PEBP4: variants seen among roughly 807,000 people sequenced by gnomAD.
The protein encoded by PEBP4 is phosphatidylethanolamine binding protein 4.
PEBP4 carries 22 observed loss-of-function variants against 23.9 expected under a neutral mutation model. The observed-to-expected ratio is 0.92, with a 90% confidence interval of 0.66 to 1.31. The LOEUF is 1.31. PEBP4 is among the 40% of genes most tolerant of loss of function. PEBP4 has a pLI of 0.00. For missense variants in PEBP4, 324 were observed against 281.7 expected (o/e 1.15, Z -1.07); for synonymous variants, 112 against 99.3 (o/e 1.13, Z -0.76).
chr8:22,776,087 C>T (rs1278359680), intron 4 of PEBP4, among the ~76,000 whole-genome samples: 1 of 152,100 alleles, frequency 6.6e-6, no homozygotes, highest in East Asian at 1.9e-4. Context: ...CCACTGGGAC[C>T]CTCCCCTTCT....
chr8:22,861,488 A>AT (rs1807777686), intron 3 of PEBP4, among the ~76,000 whole-genome samples: 2 of 152,356 alleles, frequency 1.3e-5, no homozygotes, highest in Admixed American at 1.3e-4. Flanking sequence ...TACAGAGGAA[A>AT]TTAAGTCATA....
At chr8:22,746,811 A>G (rs1056031471) in intron 4 of PEBP4, among the ~76,000 whole-genome samples, 4 of 152,168 alleles carry the variant, frequency 2.6e-5, no homozygotes, top group Non-Finnish European at 5.9e-5. Context: ...TGTACTATAG[A>G]GTAGCTGCCA....
At chr8:22,899,644 T>C (rs1321512027) in intron 3 of PEBP4, among the ~76,000 whole-genome samples, 2 of 152,214 alleles carry the variant, frequency 1.3e-5, no homozygotes, top group East Asian at 1.9e-4. Flanking sequence ...AAAGTGGCTA[T>C]GACTCCTGGC....
chr8:22,908,385 CAA>C (rs1388030515), intron 3 of PEBP4, among the ~76,000 whole-genome samples: 1 of 142,292 alleles, frequency 7.0e-6, no homozygotes, highest in Non-Finnish European at 1.6e-5. Flanking sequence ...AACAAACAAA[CAA>C]ACAAACAAAA....
intron 3 of PEBP4, among the ~76,000 whole-genome samples, chr8:22,882,186 T>C (rs1408530607): frequency 1.3e-5 from 2 of 152,170 alleles, no homozygotes; most frequent in African/African-American, 4.8e-5. Flanking sequence ...ATCCATCCTA[T>C]CACTTTTCAG....
intron 3 of PEBP4, among the ~76,000 whole-genome samples, chr8:22,864,222 C>A (rs1016909766): frequency 6.6e-6 from 1 of 152,216 alleles, no homozygotes; most frequent in Non-Finnish European, 1.5e-5. Flanking sequence ...ACCTAGGACA[C>A]CTTACTTGAT....
intron 4 of PEBP4, among the ~76,000 whole-genome samples, chr8:22,750,526 T>C (rs1232682596): frequency 6.6e-6 from 1 of 152,222 alleles, no homozygotes; most frequent in East Asian, 1.9e-4. Context: ...AGGTGGATGG[T>C]TCTGGGCACA....
intron 6 of PEBP4, among the ~76,000 whole-genome samples, chr8:22,718,557 AGT>A (rs1314554899): frequency 6.6e-6 from 1 of 152,084 alleles, no homozygotes; most frequent in Non-Finnish European, 1.5e-5. Context: ...TGCCTGTCTG[AGT>A]GTTGCCCGGG....
upstream of PEBP4, among the ~76,000 whole-genome samples, chr8:22,932,215 T>G (rs1809467185): frequency 6.6e-6 from 1 of 152,132 alleles, no homozygotes; most frequent in South Asian, 2.1e-4. Context: ...GAAAGTAGAC[T>G]AGTGGTTGCT....
At chr8:22,803,271 G>T (rs907739957) in intron 4 of PEBP4, among the ~76,000 whole-genome samples, 1 of 152,156 alleles carries the variant, frequency 6.6e-6, no homozygotes, top group Non-Finnish European at 1.5e-5. Flanking sequence ...AGACACAGCA[G>T]CCCTTTGGCT....
At position 22,838,217 on chromosome 8, in the gene PEBP4, T is replaced by A. The variant is rs78796425; in HGVS notation, c.259-20482A>T. 4.6e-5 allele frequency among the ~76,000 whole-genome samples: 7 copies of A among 152,328 alleles called. No homozygotes were observed. The East Asian group carries it at 1.4e-3, about 29-fold the overall frequency. On this transcript the variant is annotated intron_variant, in intron 3 of 6. Transcript: ENST00000256404. ...GCCTGGACTTCAATTATTATATTCC[T>A]GACAGAAGAACTATTATTTCTTTGT...
At chr8:22,803,319 G>C (rs1177511007) in intron 4 of PEBP4, among the ~76,000 whole-genome samples, 1 of 152,128 alleles carries the variant, frequency 6.6e-6, no homozygotes, top group Non-Finnish European at 1.5e-5. Context: ...CAGGCCACCT[G>C]TCTTGGCCTC....
chr8:22,871,418 A>G (rs2128770543), intron 3 of PEBP4, among the ~76,000 whole-genome samples: 1 of 152,234 alleles, frequency 6.6e-6, no homozygotes, highest in Middle Eastern at 3.4e-3. Flanking sequence ...TCCTGTACTA[A>G]GAGATTTACA....
intron 6 of PEBP4, among the ~76,000 whole-genome samples, chr8:22,724,137 A>G (rs1343627936): frequency 6.6e-6 from 1 of 152,164 alleles, no homozygotes; most frequent in Non-Finnish European, 1.5e-5. Flanking sequence ...GAGAAATCTA[A>G]GGCTCAGATG....
chr8:22,735,759 G>A (rs1043103580), intron 4 of PEBP4, among the ~76,000 whole-genome samples: 1 of 152,236 alleles, frequency 6.6e-6, no homozygotes, highest in Non-Finnish European at 1.5e-5. Flanking sequence ...CACGTGGCAG[G>A]TCAGAGCAGG....
intron 3 of PEBP4, among the ~76,000 whole-genome samples, chr8:22,881,436 C>T (rs1808257108): frequency 6.6e-6 from 1 of 152,208 alleles, no homozygotes; most frequent in Admixed American, 6.5e-5. Context: ...TATCTGTTCA[C>T]TTTTCTTATG....
In PEBP4 at chr8:22,724,798, C is replaced by G. The variant is rs753041303; in HGVS notation, c.517+45G>C. On this transcript the variant is annotated intron_variant, in intron 6 of 6. Coordinates refer to ENST00000256404, the MANE Select transcript of PEBP4 (RefSeq NM_144962.3). ...AAATGCCTGAAGCGTTTGTTCCACC[C>G]CAGAATTCACCCCGGTGGTGGCTGG... 4 of 1,484,354 alleles carry G rather than the reference C, an allele frequency of 2.7e-6. No homozygotes were observed. In the East Asian group the frequency reaches 9.0e-5, roughly 34 times the overall value. 91.9% of individuals were successfully genotyped at this position (1,484,354 alleles called of 1,614,324 possible). A position where few individuals can be genotyped will look rare whatever the true frequency, so the allele number is the denominator to read the frequency against.
At chr8:22,843,274 T>C (rs1056601635) in intron 3 of PEBP4, among the ~76,000 whole-genome samples, 6 of 152,212 alleles carry the variant, frequency 3.9e-5, no homozygotes, top group Non-Finnish European at 5.9e-5. Flanking sequence ...GGCCCTGCAA[T>C]TCTATTTTGT....
At chr8:22,893,827 C>A (rs939686853) in intron 3 of PEBP4, among the ~76,000 whole-genome samples, 2 of 151,866 alleles carry the variant, frequency 1.3e-5, no homozygotes, top group Non-Finnish European at 2.9e-5. Context: ...TTCAAGTAGC[C>A]AAATATACAT....
Sources: gnomAD v4.1 joint callset for allele counts (sites outside exome capture counted in the v4.1 genomes callset) on GRCh38, gnomAD v4.1.1 for gene constraint, MANE v1.5 for transcripts, NCBI Gene and HGNC (gene_info 2026-07-23, HGNC 2026-07-21) for gene names.